The following CPED1 variants were observed in gnomAD, a reference collection of about 807,000 sequenced individuals.
The protein encoded by CPED1 is cadherin-like and PC-esterase domain-containing protein 1.
A neutral mutation model predicts 128.2 loss-of-function variants in CPED1; 114 were observed. The ratio of observed to expected loss-of-function variants is 0.89; its 90% CI spans 0.76 to 1.04. The LOEUF is 1.04. Among genes scored for constraint, CPED1 ranks in the 50% least tolerant of loss-of-function variants. The pLI is 0.00. For synonymous variants in CPED1, 462 were observed against 426.7 expected (o/e 1.08, Z -1.02); for missense variants, 1,211 against 1,207.1 (o/e 1.00, Z -0.05).
chr7:121,124,294 A>G (rs760046352), intron 7 of CPED1, 37 bp from the exon 8 acceptor site: 17 of 1,561,028 alleles, frequency 1.1e-5, no homozygotes, highest in Non-Finnish European at 1.3e-5. Flanking sequence ...AACTGAGGCT[A>G]TTGTTTTAAC....
chr7:121,104,415 C>T (rs971247247), intron 7 of CPED1, among the ~76,000 whole-genome samples: 1 of 152,118 alleles, frequency 6.6e-6, no homozygotes, highest in Non-Finnish European at 1.5e-5. Context: ...AGCAAAAAGT[C>T]ACAAGTCATC....
intron 4 of CPED1, among the ~76,000 whole-genome samples, chr7:121,055,620 A>T (rs1793477076): frequency 6.6e-6 from 1 of 150,642 alleles, no homozygotes; most frequent in Non-Finnish European, 1.5e-5. Flanking sequence ...ATACATATAA[A>T]ATATAATTAT....
intron 2 of CPED1, among the ~76,000 whole-genome samples, chr7:121,010,734 C>T (rs1409849206): frequency 6.6e-6 from 1 of 152,104 alleles, no homozygotes; most frequent in Non-Finnish European, 1.5e-5. Flanking sequence ...GTGTAGCCCT[C>T]CCATCATCAG....
At chr7:121,244,440 CAG>C in intron 18 of CPED1, 102 bp downstream of exon 18, 9 of 1,217,552 alleles carry the variant, frequency 7.4e-6, no homozygotes, top group Non-Finnish European at 1.1e-5. Context: ...TGTCTCACAG[CAG>C]AGGAAAACTA....
chr7:121,173,201 A>T (rs1708135791), intron 16 of CPED1, among the ~76,000 whole-genome samples: 1 of 152,100 alleles, frequency 6.6e-6, no homozygotes, highest in African/African-American at 2.4e-5. Context: ...CTCCATACTC[A>T]TTTACTTTCA....
At chr7:121,258,761 C>A (rs1485772465) in intron 18 of CPED1, among the ~76,000 whole-genome samples, 1 of 152,018 alleles carries the variant, frequency 6.6e-6, no homozygotes. Context: ...ACAGTTTTAA[C>A]AATATAGTTG....
chr7:121,256,111 C>CAAAAAAAAAAAAAAAAAAAAAAA lies in CPED1; in HGVS notation c.2311-10104_2311-10103insAAAAAAAAAAAAAAAAAAAAAAA, dbSNP rs1286167648. On this transcript the variant is annotated intron_variant, in intron 18 of 22. Transcript: ENST00000310396. Reference sequence around the variant, plus strand: ...CCCTAATAGTTAAAGCAATCCTAAGCAAAAAAAAAAAACAAAACAAAAAAA... The same window carrying CAAAAAAAAAAAAAAAAAAAAAAA: ...CCCTAATAGTTAAAGCAATCCTAAGCAAAAAAAAAAAAAAAAAAAAAAAAAAAAAAAAAAACAAAACAAAAAAA... Among the ~76,000 whole-genome samples the CAAAAAAAAAAAAAAAAAAAAAAA allele has an allele frequency of 8.8e-5, 3 of 34,150 alleles. 1 individual carries two copies. Among genetic ancestry groups the CAAAAAAAAAAAAAAAAAAAAAAA allele is most frequent in the African/African-American group, 3.3e-4 (3 of 9,100 alleles). The allele number at this position is 34,150 out of a possible 152,430, so 22.4% of individuals were successfully genotyped here.
At chr7:121,116,992 A>G (rs1795255600) in intron 7 of CPED1, among the ~76,000 whole-genome samples, 1 of 147,270 alleles carries the variant, frequency 6.8e-6, no homozygotes, top group Non-Finnish European at 1.5e-5. Flanking sequence ...ACACACACAC[A>G]TATATATACA....
intron 12 of CPED1, among the ~76,000 whole-genome samples, chr7:121,130,852 A>G (rs1342743245): frequency 2.6e-5 from 4 of 152,032 alleles, no homozygotes; most frequent in Admixed American, 2.6e-4. Flanking sequence ...GATAAGATAA[A>G]ATTTCCCACC....
chr7:121,146,330 G>A (rs10258515), intron 16 of CPED1, among the ~76,000 whole-genome samples: 3,561 of 152,222 alleles, frequency 0.023, 162 homozygotes, highest in African/African-American at 0.081. Context: ...ATCCATTTAT[G>A]AGAGTGGAAC....
intron 3 of CPED1, among the ~76,000 whole-genome samples, chr7:121,033,784 T>C (rs555513491): frequency 6.6e-6 from 1 of 152,318 alleles, no homozygotes; most frequent in Admixed American, 6.5e-5. Flanking sequence ...TAATAAGCCA[T>C]TGAGAGACAG....
chr7:121,220,843 A>C (rs1456887386), intron 16 of CPED1, among the ~76,000 whole-genome samples: 2 of 152,074 alleles, frequency 1.3e-5, no homozygotes, highest in African/African-American at 2.4e-5. Flanking sequence ...ACGTGTTCAC[A>C]ATCAAGTATA....
chr7:121,144,154 A>C (rs1234522678), intron 16 of CPED1, among the ~76,000 whole-genome samples: 2 of 151,960 alleles, frequency 1.3e-5, no homozygotes, highest in East Asian at 3.9e-4. Flanking sequence ...CTAAAAATAC[A>C]ACTACTGTGT....
intron 16 of CPED1, among the ~76,000 whole-genome samples, chr7:121,142,410 A>C (rs1445649035): frequency 6.6e-6 from 1 of 151,956 alleles, no homozygotes; most frequent in African/African-American, 2.4e-5. Flanking sequence ...GAGGACTCAC[A>C]CTTAGTTGTG....
chr7:121,071,459 A>G (rs1793987827), intron 5 of CPED1, among the ~76,000 whole-genome samples: 1 of 151,094 alleles, frequency 6.6e-6, no homozygotes, highest in South Asian at 2.1e-4. Flanking sequence ...TTAAAACTTT[A>G]CTCTCTGGTA....
At chr7:121,117,100 A>ATATAAATATAT (rs1450957943) in intron 7 of CPED1, among the ~76,000 whole-genome samples, 1 of 70,650 alleles carries the variant, frequency 1.4e-5, no homozygotes, top group Non-Finnish European at 3.1e-5. Flanking sequence ...TATATATATA[A>ATATAAATATAT]ATATATATAT....
In CPED1 at chr7:121,256,118, AAAAAACAAAAC is replaced by A. The variant is rs1417664510; in HGVS notation, c.2311-10103_2311-10093del. ...AGTTAAAGCAATCCTAAGCAAAAAA[AAAAAACAAAAC>A]AAAAAAAAAAAACAAAGCTTATGCC... On this transcript the variant is annotated intron_variant, in intron 18 of 22. Coordinates refer to ENST00000310396, the MANE Select transcript of CPED1 (RefSeq NM_024913.5). 6.8e-3 allele frequency among the ~76,000 whole-genome samples: 582 copies of A among 86,140 alleles called. 11 individuals are homozygous for A. The highest frequency in any genetic ancestry group is 0.013 in the Non-Finnish European group (471 of 36,642). 56.5% of individuals were successfully genotyped at this position (86,140 alleles called of 152,430 possible). A position where few individuals can be genotyped will look rare whatever the true frequency, so the allele number is the denominator to read the frequency against.
intron 9 of CPED1, among the ~76,000 whole-genome samples, chr7:121,126,737 G>T (rs9641657): frequency 0.43 from 65,083 of 151,548 alleles, 15,452 homozygotes; most frequent in East Asian, 0.84. Context: ...TCATTGTTTT[G>T]CATGCATACC....
chr7:120,989,639 G>T lies in CPED1; in HGVS notation c.18G>T (p.Val6=). 1 of 1,614,020 alleles carries T rather than the reference G, an allele frequency of 6.2e-7. No homozygotes were observed. Residue 6 remains valine (V), a synonymous_variant, in exon 2 of 23, where the codon GTG becomes GTT. Transcript: ENST00000310396. ...AACTGGTCATGGTCTGTCGCCCAGT[G>T]TTCCCTTGTCGTCGGCGATTTTGCC... MVCRP[V]FPCRRRFCPR... is the part of the protein sequence containing the mutation.
Sources: allele counts gnomAD v4.1 joint callset (sites outside exome capture counted in the v4.1 genomes callset), GRCh38; gene constraint gnomAD v4.1.1; transcripts MANE v1.5; gene names NCBI Gene and HGNC (gene_info 2026-07-23, HGNC 2026-07-21).